The following SLCO4A1 variants were observed in gnomAD, a reference collection of about 807,000 sequenced individuals.
SLCO4A1 encodes the protein colon organic anion transporter.
A neutral mutation model predicts 64.6 loss-of-function variants in SLCO4A1; 51 were observed. That is an observed-to-expected ratio of 0.79 (90% CI 0.63 to 1.00). The LOEUF (loss-of-function observed/expected upper bound fraction) is 1.00. SLCO4A1 is among the 50% of genes least tolerant of loss of function. The pLI is 0.00. For missense variants in SLCO4A1, 919 were observed against 980.5 expected (o/e 0.94, Z 0.84); for synonymous variants, 471 against 444.9 (o/e 1.06, Z -0.74).
At chr20:62,670,424 A>G (rs1987052100) in intron 11 of SLCO4A1, among the ~76,000 whole-genome samples, 1 of 152,252 alleles carries the variant, frequency 6.6e-6, no homozygotes, top group Non-Finnish European at 1.5e-5. Context: ...GCCATGTTCA[A>G]GCCACTCTTA....
intron 11 of SLCO4A1, among the ~76,000 whole-genome samples, chr20:62,670,804 A>T (rs1006074163): frequency 4.6e-5 from 7 of 152,224 alleles, no homozygotes; most frequent in African/African-American, 1.7e-4. Flanking sequence ...GCGGGGGAGC[A>T]CACGGTGTCT....
chr20:62,677,071 A>T (rs1183240473), downstream of SLCO4A1, among the ~76,000 whole-genome samples: 1 of 152,250 alleles, frequency 6.6e-6, no homozygotes, highest in South Asian at 2.1e-4. Flanking sequence ...ATTCTTTTGT[A>T]AGAAATGTCC....
chr20:62,650,009 G>GGGGGCT (rs1377540934), intron 1 of SLCO4A1: 1 of 152,272 alleles, frequency 6.6e-6, no homozygotes, highest in African/African-American at 2.4e-5. Context: ...GCTCCGTAGT[G>GGGGGCT]GGGGCTGTAT....
intron 1 of SLCO4A1, among the ~76,000 whole-genome samples, chr20:62,653,810 T>G (rs1457705032): frequency 2.7e-5 from 4 of 150,222 alleles, no homozygotes. Context: ...AAACACTGCA[T>G]GTTCTCACTC....
At chr20:62,642,981 T>G (rs1327152741) in intron 1 of SLCO4A1, 1 of 469,228 alleles carries the variant, frequency 2.1e-6, no homozygotes, top group Non-Finnish European at 4.4e-6. Context: ...CGAACGCGCC[T>G]CCGCGGAGCT....
intron 3 of SLCO4A1, 94 bp from the exon 4 acceptor site, chr20:62,660,318 T>C: frequency 6.8e-7 from 1 of 1,468,946 alleles, no homozygotes; most frequent in Non-Finnish European, 9.1e-7. Flanking sequence ...CCTGGAGGTC[T>C]GCCCGGAGGA....
chr20:62,675,084 C>T (rs532991276), downstream of SLCO4A1, among the ~76,000 whole-genome samples: 3 of 152,276 alleles, frequency 2.0e-5, no homozygotes, highest in South Asian at 4.1e-4. Flanking sequence ...GGAAGAGAAA[C>T]GCCCCGAGCT....
At chr20:62,668,696 G>T (rs1439993370) in intron 10 of SLCO4A1, among the ~76,000 whole-genome samples, 155 bp downstream of exon 10, 1 of 152,194 alleles carries the variant, frequency 6.6e-6, no homozygotes, top group Admixed American at 6.5e-5. Context: ...CACTAGAGGG[G>T]CCCATCGTCA....
intron 7 of SLCO4A1, chr20:62,667,481 C>G (rs1052069414): frequency 4.1e-6 from 2 of 484,368 alleles, no homozygotes; most frequent in Non-Finnish European, 7.3e-6. Context: ...AACAAATGAA[C>G]TAGGGAAAGG....
downstream of SLCO4A1, among the ~76,000 whole-genome samples, chr20:62,686,725 C>A (rs1988070405): frequency 1.3e-5 from 2 of 152,224 alleles, no homozygotes; most frequent in Non-Finnish European, 2.9e-5. Context: ...AGCTATTTTA[C>A]CAAGGGCAGG....
At chr20:62,654,578 C>T (rs145587472) in intron 1 of SLCO4A1, among the ~76,000 whole-genome samples, 3 of 152,354 alleles carry the variant, frequency 2.0e-5, no homozygotes, top group South Asian at 4.1e-4. Context: ...CTTAGGGCTT[C>T]GGACTCTGCA....
At chr20:62,650,561 C>T (rs1435286441) in intron 1 of SLCO4A1, 17 of 152,302 alleles carry the variant, frequency 1.1e-4, no homozygotes, top group Admixed American at 1.1e-3. Context: ...CGTTCACCTT[C>T]TCACTGAGCC....
At chr20:62,667,614 G>T (rs2258022) in intron 7 of SLCO4A1, 131 bp from the exon 8 acceptor site, 684,208 of 1,095,580 alleles carry the variant, frequency 0.62, 218,689 homozygotes, top group East Asian at 0.83. Flanking sequence ...TGGGGGCGGT[G>T]CAAGCTTGGC....
chr20:62,661,235 T>C lies in SLCO4A1; in HGVS notation c.1121+60T>C. 2.4e-6 allele frequency: 3 copies of C among 1,246,030 alleles called. No homozygotes were observed. The highest frequency in any genetic ancestry group is 3.5e-6 in the Non-Finnish European group (3 of 847,638). 77.2% of individuals were successfully genotyped at this position (1,246,030 alleles called of 1,614,324 possible). ...TCAGACCCTTTAATGGTCCCCATCT[T>C]GGGGGAGTCGTTGAGACCCCTCCGG... On this transcript the variant is annotated intron_variant, in intron 5 of 11. Transcript: ENST00000217159. The surrounding 1 kb of genome is among the most constrained non-coding windows in gnomAD (Gnocchi z 5.2).
chr20:62,688,066 T>C (rs2147120624), downstream of SLCO4A1, among the ~76,000 whole-genome samples: 1 of 151,638 alleles, frequency 6.6e-6, no homozygotes, highest in Non-Finnish European at 1.5e-5. Context: ...GCTTTCCAGG[T>C]CCCAGCACCA....
intron 3 of SLCO4A1, among the ~76,000 whole-genome samples, chr20:62,659,313 C>T (rs915206946): frequency 1.3e-5 from 2 of 151,936 alleles, no homozygotes; most frequent in African/African-American, 4.8e-5. Context: ...TTGCTGACCG[C>T]CAGTGCTCTG....
intron 1 of SLCO4A1, among the ~76,000 whole-genome samples, chr20:62,646,180 C>T (rs1022866711): frequency 6.6e-6 from 1 of 152,160 alleles, no homozygotes; most frequent in African/African-American, 2.4e-5. Flanking sequence ...TGCTGGCGGA[C>T]CTCTGAGCTG....
At position 62,656,490 on chromosome 20, in the gene SLCO4A1, C is replaced by T. The variant is rs745667682; in HGVS notation, c.36C>T (p.Thr12=). 10 of 1,529,332 alleles carry T rather than the reference C, an allele frequency of 6.5e-6. No homozygotes were observed. The highest frequency in any genetic ancestry group is 4.7e-5 in the East Asian group (2 of 42,156). 94.7% of individuals were successfully genotyped at this position (1,529,332 alleles called of 1,614,324 possible). ...ATCAGCTGGGGGACAAGCCGCTCAC[C>T]TTCCCCAGCCCCAACTCAGCCATGG... ...PLHQLGDKPL[T]FPSPNSAMEN... Residue 12 remains threonine, a synonymous_variant, in exon 2 of 12, where the codon ACC becomes ACT. Transcript: ENST00000217159.
At chr20:62,690,152 G>A (rs947093857), downstream of SLCO4A1, among the ~76,000 whole-genome samples, 11 of 152,162 alleles carry the variant, frequency 7.2e-5, no homozygotes, top group African/African-American at 2.4e-4. Flanking sequence ...CCCTCGCATC[G>A]GCCACCTCTC....
Sources: allele counts gnomAD v4.1 joint callset (sites outside exome capture counted in the v4.1 genomes callset), GRCh38; gene constraint gnomAD v4.1.1; non-coding constraint Gnocchi (gnomAD v3.1); transcripts MANE v1.5; gene names NCBI Gene and HGNC (gene_info 2026-07-23, HGNC 2026-07-21).